The following TMEM43 variants were observed in gnomAD, a reference collection of about 807,000 sequenced individuals.
The protein encoded by TMEM43 is arrhythmogenic right ventricular dysplasia 5.
Under a neutral mutation model 49.6 loss-of-function variants are expected in TMEM43, and 45 were observed. That is an observed-to-expected ratio of 0.91 (90% confidence interval 0.71 to 1.16). The LOEUF is 1.16. TMEM43 is among the 50% of genes most tolerant of loss of function. The probability of loss-of-function intolerance (pLI) is 0.00; values close to 1 mark genes in which losing one functional copy is unlikely to be tolerated. For synonymous variants in TMEM43, 199 were observed against 207.8 expected (o/e 0.96, Z 0.36); for missense variants, 532 against 516.6 (o/e 1.03, Z -0.29).
intron 1 of TMEM43, among the ~76,000 whole-genome samples, chr3:14,127,579 T>C (rs7632937): frequency 0.2 from 30,892 of 152,096 alleles, 6,250 homozygotes; most frequent in East Asian, 0.57. Flanking sequence ...GACGTAACCC[T>C]GAGCCCGATT....
In TMEM43 at chr3:14,142,556, AAAAAC is replaced by A. The variant is rs141474582; in HGVS notation, c.*771_*775del. 0.061 allele frequency: 9,292 copies of A among 152,696 alleles called. 628 individuals carry two copies. The highest frequency in any genetic ancestry group is 0.36 in the East Asian group (1,860 of 5,148). 9.5% of individuals were successfully genotyped at this position (152,696 alleles called of 1,614,324 possible). On this transcript the variant is annotated 3_prime_UTR_variant, in exon 12 of 12. Coordinates refer to ENST00000306077, the MANE Select transcript of TMEM43 (RefSeq NM_024334.3). ...GAGGAAGTTTTCTGAAATAAGATTTAAAAACAAAACAAAAAAAACACTTAATATTT... is the reference window on the plus strand; with the variant it reads ...GAGGAAGTTTTCTGAAATAAGATTTAAAAACAAAAAAAACACTTAATATTT...
chr3:14,132,817 C>T (rs368256924), intron 5 of TMEM43, 49 bp from the exon 6 acceptor site: 27 of 1,578,352 alleles, frequency 1.7e-5, no homozygotes, highest in Admixed American at 1.2e-4. Flanking sequence ...GGGTCTCAGC[C>T]GCGTGCCACT....
At chr3:14,137,439 A>G (rs1363233760) in intron 10 of TMEM43, among the ~76,000 whole-genome samples, 1 of 152,192 alleles carries the variant, frequency 6.6e-6, no homozygotes, top group South Asian at 2.1e-4. Flanking sequence ...AAGGCCCTGC[A>G]GTGCAGATGC....
rs1030074370 is a variant in TMEM43, at chr3:14,143,077, A to G, written c.*1282A>G. 6.6e-6 allele frequency: 1 copy of G among 152,224 alleles called. No homozygotes were observed. 9.4% of individuals were successfully genotyped at this position (152,224 alleles called of 1,614,324 possible). Reference sequence around the variant, plus strand: ...TTGTGTCCATAGCTTTAGTCTTCCTAAATAAGATCCACCCACACCTAAGTC... The same window carrying G: ...TTGTGTCCATAGCTTTAGTCTTCCTGAATAAGATCCACCCACACCTAAGTC... On this transcript the variant is annotated 3_prime_UTR_variant, in exon 12 of 12. Coordinates refer to ENST00000306077, the MANE Select transcript of TMEM43 (RefSeq NM_024334.3).
chr3:14,125,589 C>T (rs1336687007), intron 1 of TMEM43, among the ~76,000 whole-genome samples: 1 of 152,186 alleles, frequency 6.6e-6, no homozygotes, highest in African/African-American at 2.4e-5. Context: ...AGAGAGGGCG[C>T]CAGTCCCTTG....
Position 14,133,751 on chromosome 3 carries a change from G to T in TMEM43, c.525G>T (p.Val175=). Residue 175 remains valine (V), a synonymous_variant, in exon 7 of 12, where the codon GTG becomes GTT. Transcript: ENST00000306077. ...IGHKNPSAMA[V]ESFMATAPFV... ...CTCTCTCCCACAGTGCCATGGCAGT[G>T]GAGTCATTCATGGCAACAGCCCCCT... is the stretch of plus-strand genomic sequence containing the variant. The T allele has an allele frequency of 1.2e-6, 2 of 1,614,176 alleles. No individual in the cohort carries two copies. The highest frequency in any genetic ancestry group is 1.7e-6 in the Non-Finnish European group (2 of 1,179,990).
chr3:14,139,403 C>CA, intron 11 of TMEM43, 106 bp downstream of exon 11: 1 of 838,098 alleles, frequency 1.2e-6, no homozygotes. Flanking sequence ...GGCCCTTGTG[C>CA]AGATACCAGG....
intron 10 of TMEM43, among the ~76,000 whole-genome samples, chr3:14,136,211 A>G (rs1695168093): frequency 6.6e-6 from 1 of 152,214 alleles, no homozygotes; most frequent in African/African-American, 2.4e-5. Flanking sequence ...CCTGAAGGTG[A>G]TTTTATACAA....
chr3:14,131,546 T>G, intron 3 of TMEM43, 34 bp from the exon 4 acceptor site: 1 of 1,589,492 alleles, frequency 6.3e-7, no homozygotes, highest in East Asian at 2.2e-5. Flanking sequence ...AATGTTATCC[T>G]TTATTTTTTT....
chr3:14,135,342 A>AGGG, intron 9 of TMEM43, 110 bp downstream of exon 9: 2 of 912,400 alleles, frequency 2.2e-6, no homozygotes, highest in Non-Finnish European at 3.5e-6. Flanking sequence ...CCCTGGGGAA[A>AGGG]GGCACACTCT....
At chr3:14,133,116 G>A (rs927697338) in intron 6 of TMEM43, among the ~76,000 whole-genome samples, 181 bp downstream of exon 6, 23 of 152,238 alleles carry the variant, frequency 1.5e-4, no homozygotes, top group Admixed American at 3.3e-4. Flanking sequence ...TGTCTCCCCT[G>A]ACCCCAGACA....
At chr3:14,140,124 C>A (rs1695228344) in intron 11 of TMEM43, among the ~76,000 whole-genome samples, 1 of 152,198 alleles carries the variant, frequency 6.6e-6, no homozygotes, top group Non-Finnish European at 1.5e-5. Context: ...GGGGGGACCA[C>A]CTCCTTTGTT....
At chr3:14,132,343 C>A (rs1173503502) in intron 4 of TMEM43, among the ~76,000 whole-genome samples, 1 of 152,204 alleles carries the variant, frequency 6.6e-6, no homozygotes, top group African/African-American at 2.4e-5. Flanking sequence ...GAGCGCTTTC[C>A]TCCAGGTAGC....
At position 14,131,679 on chromosome 3, in the gene TMEM43, GCTGTTGGGGTGAAAACT is replaced by G. The variant is rs745331190; in HGVS notation, c.392+16_392+32del. The G allele has an allele frequency of 3.7e-6, 6 of 1,610,888 alleles. No individual in the cohort carries two copies. In the East Asian group the frequency reaches 6.7e-5, roughly 18 times the overall value. On this transcript the variant is annotated splice_donor_region_variant and intron_variant, in intron 4 of 11. Coordinates refer to ENST00000306077, the MANE Select transcript of TMEM43 (RefSeq NM_024334.3). ...GGTAGAAACTGAGGAGTCCAGGTGA[GCTGTTGGGGTGAAAACT>G]CTGTTGGGGTAAAGGAGGAGTGAAG...
intron 9 of TMEM43, 50 bp from the exon 10 acceptor site, chr3:14,135,757 G>A (rs373397243): frequency 3.9e-6 from 6 of 1,529,256 alleles, no homozygotes; most frequent in South Asian, 2.2e-5. Context: ...TCTCGTGGGC[G>A]TGTCTCCCGC....
Position 14,139,179 on chromosome 3 carries a change from G to T in TMEM43, c.883-1G>T. The T allele has an allele frequency of 6.2e-7, 1 of 1,611,992 alleles. No homozygotes were observed. The highest frequency in any genetic ancestry group is 8.5e-7 in the Non-Finnish European group (1 of 1,178,056). On this transcript the variant is annotated splice_acceptor_variant, in intron 10 of 11. Transcript: ENST00000306077. LOFTEE classifies it high-confidence loss of function. Reference sequence around the variant, plus strand: ...TGACCTGCCCCCACCTTGTCCTGCAGGAGGTGTTTCATAGAGAACTAAGGA... The same window carrying T: ...TGACCTGCCCCCACCTTGTCCTGCATGAGGTGTTTCATAGAGAACTAAGGA...
At chr3:14,140,294 A>G (rs986451045) in intron 11 of TMEM43, among the ~76,000 whole-genome samples, 1 of 151,772 alleles carries the variant, frequency 6.6e-6, no homozygotes, top group African/African-American at 2.4e-5. Flanking sequence ...CCCTGGGGAG[A>G]CCAGTTCCCT....
At chr3:14,132,785 A>T (rs1246345898) in intron 5 of TMEM43, 81 bp from the exon 6 acceptor site, 9 of 1,460,832 alleles carry the variant, frequency 6.2e-6, no homozygotes, top group Non-Finnish European at 8.6e-6. Context: ...TTTGGCTGTG[A>T]GATAGGAGGA....
chr3:14,128,453 T>C (rs1398793128), intron 1 of TMEM43, among the ~76,000 whole-genome samples: 3 of 152,174 alleles, frequency 2.0e-5, no homozygotes, highest in African/African-American at 4.8e-5. Context: ...GCTCTTCCCC[T>C]AAGATCTGCC....
Sources: allele counts gnomAD v4.1 joint callset (sites outside exome capture counted in the v4.1 genomes callset), GRCh38; gene constraint gnomAD v4.1.1; transcripts MANE v1.5; gene names NCBI Gene and HGNC (gene_info 2026-07-23, HGNC 2026-07-21).